The following CHST6 variants were observed in gnomAD, a reference collection of about 807,000 sequenced individuals.
CHST6 encodes N-acetylglucosamine 6-O-sulfotransferase 5.
For synonymous variants in CHST6, 309 were observed against 276.4 expected (o/e 1.12, Z -1.17); for missense variants, 698 against 586.2 (o/e 1.19, Z -1.97).
Position 75,472,597 on chromosome 16 carries a change from T to C in CHST6, c.*6044A>G, listed in dbSNP as rs562647546. On this transcript the variant is annotated 3_prime_UTR_variant, in exon 3 of 3. Transcript: ENST00000332272. Reference sequence around the variant, plus strand: ...AATTAAAACCATTGATTTAACCCTGTAGAGGTGATGGGGCAGTTGTGGCAG... The same window carrying C: ...AATTAAAACCATTGATTTAACCCTGCAGAGGTGATGGGGCAGTTGTGGCAG... 2.0e-5 allele frequency: 3 copies of C among 152,350 alleles called. No individual in the cohort carries two copies. Among genetic ancestry groups the C allele is most frequent in the East Asian group, 3.9e-4 (2 of 5,194 alleles). 9.4% of individuals were successfully genotyped at this position (152,350 alleles called of 1,614,324 possible). A position where few individuals can be genotyped will look rare whatever the true frequency, so the allele number is the denominator to read the frequency against.
Position 75,495,201 on chromosome 16 carries a change from G to A in CHST6, c.-353C>T, listed in dbSNP as rs1201319526. 6.6e-6 allele frequency: 1 copy of A among 152,590 alleles called. No homozygotes were observed. Among genetic ancestry groups the A allele is most frequent in the Admixed American group, 6.5e-5 (1 of 15,290 alleles). The allele number at this position is 152,590 out of a possible 1,614,324, so 9.5% of individuals were successfully genotyped here. A position where few individuals can be genotyped will look rare whatever the true frequency, so the allele number is the denominator to read the frequency against. On this transcript the variant is annotated 5_prime_UTR_variant, in exon 1 of 3. Transcript: ENST00000332272. ...GTGACCAAGCCACTGGAAGCTCCTG[G>A]AGACTCGAGGTAGAACGAATGTGGG...
At position 75,478,459 on chromosome 16, in the gene CHST6, C is replaced by A. The variant is rs2080089822; in HGVS notation, c.*182G>T. The A allele has an allele frequency of 1.1e-5, 7 of 658,696 alleles. No homozygotes were observed. Among genetic ancestry groups the A allele is most frequent in the Admixed American group, 2.6e-5 (1 of 39,104 alleles). The allele number at this position is 658,696 out of a possible 1,614,324, so 40.8% of individuals were successfully genotyped here. ...GATGAGAAGGCAGCTCCAGAGGACT[C>A]AAAGGAAAACCAAGAATCAAGAGAG... On this transcript the variant is annotated 3_prime_UTR_variant, in exon 3 of 3. Transcript: ENST00000332272.
At chr16:75,483,580 G>T (rs2080164826) in intron 1 of CHST6, among the ~76,000 whole-genome samples, 1 of 152,154 alleles carries the variant, frequency 6.6e-6, no homozygotes, top group Non-Finnish European at 1.5e-5. Context: ...AGTCAGGCAG[G>T]CCCTGTGATA....
chr16:75,483,155 G>A (rs763735770), intron 1 of CHST6, among the ~76,000 whole-genome samples: 3 of 152,230 alleles, frequency 2.0e-5, no homozygotes, highest in East Asian at 1.9e-4. Flanking sequence ...GAGAGACAGC[G>A]AGAAAGCTGG....
intron 2 of CHST6, 33 bp downstream of exon 2, chr16:75,481,784 A>G (rs1037064648): frequency 2.1e-6 from 1 of 483,460 alleles, no homozygotes. Flanking sequence ...AGGTGAGAGC[A>G]GAGGACTGTC....
rs1382917302 is a variant in CHST6, at chr16:75,490,273, GT to G, written c.-92+4666del. Among the ~76,000 whole-genome samples the G allele has an allele frequency of 2.6e-5, 4 of 151,410 alleles. No individual in the cohort carries two copies. In the East Asian group the frequency reaches 7.7e-4, roughly 29 times the overall value. ...GCTGGTGGATCACCTGAGGTCGGGA[GT>G]TCGAGACCAGCCTGACCAACATGGA... On this transcript the variant is annotated intron_variant, in intron 1 of 2. Transcript: ENST00000332272.
Position 75,479,036 on chromosome 16 carries a change from G to T in CHST6, c.793C>A (p.Arg265Ser), listed in dbSNP as rs113518655. 6.2e-7 allele frequency: 1 copy of T among 1,609,324 alleles called. No homozygotes were observed. The highest frequency in any genetic ancestry group is 1.1e-5 in the South Asian group (1 of 91,060). ...AAGCGCACCAGGCGGTAGCGGCCGC[G>T]CAGAAAGGGTGGCGGCTTGAGTGTG... ...AATLKPPPFL[R>S]GRYRLVRFED... The change falls in exon 3 of 3, where the codon CGC (arginine) becomes AGC (serine). Residue 265 changes from arginine (R) to serine (S), a missense_variant. Coordinates refer to ENST00000332272, the MANE Select transcript of CHST6 (RefSeq NM_021615.5).
rs1567406168 is a variant in CHST6 at position 75,475,328 on chromosome 16, A to C, written c.*3313T>G. 1 of 152,294 alleles carries C rather than the reference A, an allele frequency of 6.6e-6. No individual in the cohort carries two copies. The highest frequency in any genetic ancestry group is 1.5e-5 in the Non-Finnish European group (1 of 68,090). The allele number at this position is 152,294 out of a possible 1,614,324, so 9.4% of individuals were successfully genotyped here. ...AAGTTGCACTACACTTGTCTACAGG[A>C]CAAAGCAAGTCACAGGACCAGCCTG... On this transcript the variant is annotated 3_prime_UTR_variant, in exon 3 of 3. Transcript: ENST00000332272.
At chr16:75,494,051 G>A (rs62060556) in intron 1 of CHST6, among the ~76,000 whole-genome samples, 8 of 152,074 alleles carry the variant, frequency 5.3e-5, no homozygotes, top group Non-Finnish European at 1.0e-4. Flanking sequence ...CACCATGTTG[G>A]CCAGGCTGGT....
intron 1 of CHST6, among the ~76,000 whole-genome samples, chr16:75,493,795 TC>T (rs768921699): frequency 1.1e-3 from 166 of 152,154 alleles, no homozygotes; most frequent in Middle Eastern, 3.4e-3. Context: ...ACAGACAGGG[TC>T]CCCACAAGGG....
At position 75,472,544 on chromosome 16, in the gene CHST6, A is replaced by G. The variant is rs1341448056; in HGVS notation, c.*6097T>C. On this transcript the variant is annotated 3_prime_UTR_variant, in exon 3 of 3. Coordinates refer to ENST00000332272, the MANE Select transcript of CHST6 (RefSeq NM_021615.5). ...AGAAGTGCAGACTGAAACATCAAGT[A>G]ACATTTTTCACCCATCAGGTAGGCA... The G allele has an allele frequency of 6.6e-6, 1 of 152,252 alleles. No homozygotes were observed. The highest frequency in any genetic ancestry group is 1.5e-5 in the Non-Finnish European group (1 of 68,044). The allele number at this position is 152,252 out of a possible 1,614,324, so 9.4% of individuals were successfully genotyped here.
In CHST6 at chr16:75,493,991, C is replaced by G. The variant is rs140451442; in HGVS notation, c.-92+949G>C. ...TCCCAAGTAGCTGGGATTACAGGCA[C>G]TCACCACCATGCCCAGCTTATTTTT... On this transcript the variant is annotated intron_variant, in intron 1 of 2. Transcript: ENST00000332272. Among the ~76,000 whole-genome samples the G allele has an allele frequency of 6.6e-5, 10 of 152,272 alleles. No individual in the cohort carries two copies. In the East Asian group the frequency reaches 1.9e-3, roughly 29 times the overall value.
chr16:75,486,050 G>A (rs558318997), intron 1 of CHST6, among the ~76,000 whole-genome samples: 1 of 152,276 alleles, frequency 6.6e-6, no homozygotes, highest in African/African-American at 2.4e-5. Flanking sequence ...GCTTCAGATG[G>A]CCGGGAATAA....
At chr16:75,490,371 G>C (rs369794279) in intron 1 of CHST6, among the ~76,000 whole-genome samples, 1 of 151,824 alleles carries the variant, frequency 6.6e-6, no homozygotes, top group South Asian at 2.1e-4. Flanking sequence ...CCAGCTACTC[G>C]GGAGGCTGAG....
In CHST6 at chr16:75,479,443, A is replaced by C; in HGVS notation, c.386T>G (p.Leu129Arg). 6.2e-7 allele frequency: 1 copy of C among 1,612,892 alleles called. No individual in the cohort carries two copies. Among genetic ancestry groups the C allele is most frequent in the Non-Finnish European group, 8.5e-7 (1 of 1,179,848 alleles). ...DLFQWAVSRALCSPPACSAFP... is the reference protein window; with the variant it reads ...DLFQWAVSRARCSPPACSAFP... ...GGCACTGCAGGCGGGTGGCGAGCACAGTGCACGGCTCACGGCCCACTGGAA... is the reference window on the plus strand; with the variant it reads ...GGCACTGCAGGCGGGTGGCGAGCACCGTGCACGGCTCACGGCCCACTGGAA... Residue 129 changes from leucine (L) to arginine (R), a missense_variant, in exon 3 of 3, where the codon CTG (leucine) becomes CGG (arginine). By Grantham distance (102) the Leu-to-Arg change is moderately radical. Transcript: ENST00000332272.
intron 1 of CHST6, among the ~76,000 whole-genome samples, chr16:75,492,828 G>A (rs963976966): frequency 2.0e-5 from 3 of 152,168 alleles, no homozygotes; most frequent in South Asian, 2.1e-4. Context: ...CAGTCTGGGC[G>A]ACAGAGAGAG....
At chr16:75,487,136 C>T (rs1302168758) in intron 1 of CHST6, among the ~76,000 whole-genome samples, 1 of 152,212 alleles carries the variant, frequency 6.6e-6, no homozygotes, top group African/African-American at 2.4e-5. Context: ...TCCCCAGTAG[C>T]CCACATGGCT....
rs2080032852 is a variant in CHST6, at chr16:75,472,918, C to A, written c.*5723G>T. 6.6e-6 allele frequency: 1 copy of A among 152,186 alleles called. No homozygotes were observed. Among genetic ancestry groups the A allele is most frequent in the Non-Finnish European group, 1.5e-5 (1 of 68,076 alleles). The allele number at this position is 152,186 out of a possible 1,614,324, so 9.4% of individuals were successfully genotyped here. A position where few individuals can be genotyped will look rare whatever the true frequency, so the allele number is the denominator to read the frequency against. On this transcript the variant is annotated 3_prime_UTR_variant, in exon 3 of 3. Transcript: ENST00000332272. Reference sequence around the variant, plus strand: ...AGAGCAGAGGCAGCAAGCGTGCCTGCCCCTAATTGTGGGTGACTGCTGGGC... The same window carrying A: ...AGAGCAGAGGCAGCAAGCGTGCCTGACCCTAATTGTGGGTGACTGCTGGGC...
intron 1 of CHST6, among the ~76,000 whole-genome samples, chr16:75,491,612 C>T (rs571880101): frequency 4.6e-5 from 7 of 152,154 alleles, no homozygotes; most frequent in Admixed American, 2.6e-4. Flanking sequence ...CCTCGTGATC[C>T]GCCTGCCTCA....
Sources: gnomAD v4.1 joint callset for allele counts (sites outside exome capture counted in the v4.1 genomes callset) on GRCh38, gnomAD v4.1.1 for gene constraint, MANE v1.5 for transcripts, NCBI Gene and HGNC (gene_info 2026-07-23, HGNC 2026-07-21) for gene names.